The following SERBP1 variants were observed in gnomAD, a reference collection of about 807,000 sequenced individuals.
The protein encoded by SERBP1 is SERPINE1 mRNA binding protein 1, also known as SERPINE1 mRNA-binding protein 1.
SERBP1 carries 6 observed loss-of-function variants against 50.2 expected under a neutral mutation model. The observed-to-expected ratio is 0.12, with a 90% CI of 0.07 to 0.24. The LOEUF is 0.24. Ranked by LOEUF, SERBP1 falls within the 10% of genes least tolerant of loss-of-function variation. The pLI is 1.00. For synonymous variants in SERBP1, 168 were observed against 182.8 expected (o/e 0.92, Z 0.65); for missense variants, 346 against 524.9 (o/e 0.66, Z 3.33).
intron 4 of SERBP1, 199 bp from the exon 5 acceptor site, chr1:67,424,476 A>C (rs549566257): frequency 3.3e-6 from 2 of 606,438 alleles, no homozygotes; most frequent in Non-Finnish European, 5.5e-6. Context: ...AATATAAACT[A>C]GTTAGTTCAT....
chr1:67,414,045 C>G (rs1253686090), intron 7 of SERBP1, among the ~76,000 whole-genome samples: 6 of 152,204 alleles, frequency 3.9e-5, no homozygotes, highest in African/African-American at 1.4e-4. Flanking sequence ...TCACCCAGAC[C>G]TCCCAAAGTA....
At position 67,409,646 on chromosome 1, in the gene SERBP1, A is replaced by T. The variant is rs1453844038; in HGVS notation, c.*3561T>A. ...TGAAATTACCGACTTCCTCAGCCTG[A>T]AAGATTTATTTCAATCACTTCACAT... On this transcript the variant is annotated 3_prime_UTR_variant, in exon 8 of 8. Coordinates refer to ENST00000361219, the MANE Select transcript of SERBP1 (RefSeq NM_001018069.2). The T allele has an allele frequency of 3.3e-5, 5 of 152,168 alleles. No homozygotes were observed. Among genetic ancestry groups the T allele is most frequent in the Admixed American group, 3.3e-4 (5 of 15,280 alleles). The allele number at this position is 152,168 out of a possible 1,614,324, so 9.4% of individuals were successfully genotyped here. A position where few individuals can be genotyped will look rare whatever the true frequency, so the allele number is the denominator to read the frequency against.
At chr1:67,423,123 G>A (rs1667255297) in intron 5 of SERBP1, among the ~76,000 whole-genome samples, 1 of 151,200 alleles carries the variant, frequency 6.6e-6, no homozygotes, top group African/African-American at 2.4e-5. Flanking sequence ...GACCAGCCTG[G>A]CCAGCTGGTC....
At chr1:67,422,533 A>G (rs1269737737) in intron 5 of SERBP1, among the ~76,000 whole-genome samples, 1 of 152,094 alleles carries the variant, frequency 6.6e-6, no homozygotes, top group Non-Finnish European at 1.5e-5. Flanking sequence ...GAAAAAAGAA[A>G]AAGTTTAGAA....
chr1:67,419,968 C>A, intron 6 of SERBP1, 41 bp downstream of exon 6: 2 of 1,549,460 alleles, frequency 1.3e-6, no homozygotes, highest in South Asian at 2.3e-5. Flanking sequence ...CAATTCAAGT[C>A]ACATCTGAAC....
chr1:67,427,557 A>C (rs189106654), intron 1 of SERBP1, among the ~76,000 whole-genome samples: 73 of 152,316 alleles, frequency 4.8e-4, no homozygotes, highest in Admixed American at 1.2e-3. Context: ...TTTGAAGTTC[A>C]TTCCCTGTAA....
intron 7 of SERBP1, among the ~76,000 whole-genome samples, 189 bp downstream of exon 7, chr1:67,414,977 A>C (rs1666955541): frequency 6.6e-6 from 1 of 152,232 alleles, no homozygotes; most frequent in African/African-American, 2.4e-5. Context: ...TGGTAACTTA[A>C]CACTACTAAC....
intron 4 of SERBP1, chr1:67,424,483 T>C (rs1353939174): frequency 1.8e-6 from 1 of 560,186 alleles, no homozygotes; most frequent in East Asian, 3.1e-5. Context: ...ACTAGTTAGT[T>C]CATATACTTC....
At chr1:67,420,504 T>C (rs1315045615) in intron 5 of SERBP1, 1 of 199,982 alleles carries the variant, frequency 5.0e-6, no homozygotes, top group East Asian at 1.2e-4. Context: ...CTACCTTGTT[T>C]AAAAACTACC....
rs928959015 is a variant in SERBP1 at position 67,408,971 on chromosome 1, TCAGA to T, written c.*4232_*4235del. On this transcript the variant is annotated 3_prime_UTR_variant, in exon 8 of 8. Transcript: ENST00000361219. ...GTACCTAGAACTAAACTTTTATTTT[TCAGA>T]CAGTGTGTCACCCAGACTGGAGTAC... is the stretch of plus-strand genomic sequence containing the variant. The T allele has an allele frequency of 2.6e-5, 4 of 152,076 alleles. No individual in the cohort carries two copies. The highest frequency in any genetic ancestry group is 2.1e-4 in the South Asian group (1 of 4,830). 9.4% of individuals were successfully genotyped at this position (152,076 alleles called of 1,614,324 possible).
In SERBP1 at chr1:67,420,014, C is replaced by T; in HGVS notation, c.946G>A (p.Glu316Lys). ...KGFVLHKSKS[E>K]EAHAEDSVMD... ...ACGACAAAACTTAATTTTACCTCTT[C>T]ACTCTTTGATTTATGAAGAACAAAT... Residue 316 changes from glutamate (E) to lysine (K), a missense_variant, in exon 6 of 8, where the codon GAA (glutamate) becomes AAA (lysine). By Grantham distance (56) the Glu-to-Lys change is moderately conservative. Coordinates refer to ENST00000361219, the MANE Select transcript of SERBP1 (RefSeq NM_001018069.2). 2 of 1,613,268 alleles carry T rather than the reference C, an allele frequency of 1.2e-6. No homozygotes were observed. Among genetic ancestry groups the T allele is most frequent in the Non-Finnish European group, 8.5e-7 (1 of 1,179,354 alleles).
chr1:67,420,217 G>A (rs1266519676), intron 5 of SERBP1, 31 bp from the exon 6 acceptor site: 1 of 1,492,314 alleles, frequency 6.7e-7, no homozygotes, highest in Non-Finnish European at 9.1e-7. Context: ...TTTATACCTG[G>A]TAGAGAGCTG....
intron 6 of SERBP1, among the ~76,000 whole-genome samples, chr1:67,415,584 G>GT (rs1033161752): frequency 1.5e-4 from 23 of 152,198 alleles, no homozygotes; most frequent in African/African-American, 5.3e-4. Flanking sequence ...CTAAAGACAT[G>GT]TATGCTATCA....
chr1:67,427,701 GAAC>G (rs1360268431), intron 1 of SERBP1, among the ~76,000 whole-genome samples: 3 of 152,188 alleles, frequency 2.0e-5, no homozygotes, highest in Non-Finnish European at 4.4e-5. Context: ...ACACCCAAGT[GAAC>G]AATAGTTGGC....
rs1557506086 is a variant in SERBP1 at position 67,424,221 on chromosome 1, G to A, written c.752C>T (p.Pro251Leu). Residue 251 changes from proline to leucine, a missense_variant, in exon 5 of 8, where the codon CCA becomes CTA. Pro to Leu is a moderately conservative substitution (Grantham distance 98, BLOSUM62 -3). This residue lies in a region of SERBP1 where 257 missense variants were observed against 331.2 expected (regional missense o/e 0.78). Transcript: ENST00000361219. ...EETPEGEEHH[P>L]VADTENKENE... is the part of the protein sequence containing the mutation. ...TTACTTATTTTCAGTGTCTGCCACT[G>A]GATGATGTTCTTCACCTTCAGGTGT... 21 of 1,611,546 alleles carry A rather than the reference G, an allele frequency of 1.3e-5. No homozygotes were observed. Among genetic ancestry groups the A allele is most frequent in the East Asian group, 2.2e-5 (1 of 44,778 alleles).
chr1:67,415,457 A>G, intron 6 of SERBP1, 118 bp from the exon 7 acceptor site: 1 of 1,002,776 alleles, frequency 1.0e-6, no homozygotes, highest in Middle Eastern at 2.4e-4. Context: ...TTCTGTGAAC[A>G]AATGTCTCAA....
intron 5 of SERBP1, among the ~76,000 whole-genome samples, chr1:67,422,435 T>C (rs1238850823): frequency 6.7e-6 from 1 of 150,104 alleles, no homozygotes; most frequent in Non-Finnish European, 1.5e-5. Context: ...GCTTGAACCC[T>C]GGAGGCAGAG....
chr1:67,424,474 CTAGT>C (rs1667305906), intron 4 of SERBP1, 197 bp from the exon 5 acceptor site: 1 of 608,608 alleles, frequency 1.6e-6, no homozygotes, highest in Non-Finnish European at 2.7e-6. Context: ...ACAATATAAA[CTAGT>C]TAGTTCATAT....
chr1:67,425,989 G>A (rs1667360736), intron 2 of SERBP1, 146 bp downstream of exon 2: 3 of 616,044 alleles, frequency 4.9e-6, no homozygotes, highest in Non-Finnish European at 8.2e-6. Context: ...GCGTGACCTT[G>A]TAGTCCGAGC....
Sources: gnomAD v4.1 joint callset for allele counts (sites outside exome capture counted in the v4.1 genomes callset) on GRCh38, gnomAD v4.1.1 for gene constraint, gnomAD v4.1.1 regional missense constraint, MANE v1.5 for transcripts, NCBI Gene and HGNC (gene_info 2026-07-23, HGNC 2026-07-21) for gene names.